Variants in ILDR2 observed in about 807,000 individuals in gnomAD.
ILDR2 encodes the protein immunoglobulin like domain containing receptor 2.
Under a neutral mutation model 66.8 loss-of-function variants are expected in ILDR2, and 25 were observed. The ratio of observed to expected loss-of-function variants is 0.37; its 90% CI spans 0.27 to 0.52. ILDR2 has a LOEUF of 0.52. Among genes scored for constraint, ILDR2 ranks in the 20% least tolerant of loss-of-function variants. ILDR2 has a pLI of 0.88. For missense variants in ILDR2, 827 were observed against 876.8 expected (o/e 0.94, Z 0.72); for synonymous variants, 367 against 357.2 (o/e 1.03, Z -0.31).
chr1:166,940,141 A>C (rs1479780606), intron 3 of ILDR2, among the ~76,000 whole-genome samples: 2 of 152,214 alleles, frequency 1.3e-5, no homozygotes, highest in Admixed American at 1.3e-4. Flanking sequence ...CTTCTGAAAT[A>C]CACTGTACAT....
downstream of ILDR2, among the ~76,000 whole-genome samples, chr1:166,906,371 G>T (rs146554842): frequency 4.3e-4 from 66 of 152,306 alleles, no homozygotes; most frequent in African/African-American, 1.4e-3. Context: ...AGCTCAGCCT[G>T]GTGGGAGTGG....
At chr1:166,931,287 T>C (rs991703323) in intron 6 of ILDR2, among the ~76,000 whole-genome samples, 1 of 152,246 alleles carries the variant, frequency 6.6e-6, no homozygotes, top group African/African-American at 2.4e-5. Context: ...CCGAGGCAGA[T>C]ACTCATGGAT....
chr1:166,905,044 G>T (rs946378732), downstream of ILDR2, among the ~76,000 whole-genome samples: 1 of 152,120 alleles, frequency 6.6e-6, no homozygotes, highest in African/African-American at 2.4e-5. Flanking sequence ...TTAACCTATG[G>T]CCCTATATTG....
intron 6 of ILDR2, among the ~76,000 whole-genome samples, chr1:166,934,630 G>A (rs973666488): frequency 2.6e-5 from 4 of 152,156 alleles, no homozygotes; most frequent in Admixed American, 6.5e-5. Flanking sequence ...GTCTGGCTCC[G>A]TCGTATCCTT....
chr1:166,954,657 C>T (rs1007720693), intron 3 of ILDR2, among the ~76,000 whole-genome samples: 6 of 152,136 alleles, frequency 3.9e-5, no homozygotes, highest in Non-Finnish European at 7.3e-5. Context: ...CTTTATGATT[C>T]CTTTAGAGTA....
intron 6 of ILDR2, among the ~76,000 whole-genome samples, chr1:166,935,074 G>A (rs943919486): frequency 6.6e-6 from 1 of 152,178 alleles, no homozygotes; most frequent in Non-Finnish European, 1.5e-5. Context: ...TACAGTTCTA[G>A]TAATTGAGGA....
intron 2 of ILDR2, among the ~76,000 whole-genome samples, chr1:166,901,749 C>T (rs1659269590): frequency 6.6e-6 from 1 of 152,214 alleles, no homozygotes; most frequent in South Asian, 2.1e-4. Context: ...CCTAGTTCCC[C>T]CACAAGGCTG....
downstream of ILDR2, among the ~76,000 whole-genome samples, chr1:166,906,440 C>T (rs1309921743): frequency 6.6e-6 from 1 of 151,996 alleles, no homozygotes; most frequent in East Asian, 1.9e-4. Context: ...AGAAAGTGCT[C>T]AGAGAGGGGA....
downstream of ILDR2, among the ~76,000 whole-genome samples, chr1:166,906,569 A>T (rs1361468557): frequency 6.6e-6 from 1 of 152,238 alleles, no homozygotes; most frequent in Non-Finnish European, 1.5e-5. Flanking sequence ...AGAGGTAGAG[A>T]CTGGCAATGA....
In ILDR2 at chr1:166,919,020, A is replaced by G. The variant is rs1434807699; in HGVS notation, c.*335T>C. The G allele has an allele frequency of 9.2e-6, 4 of 434,698 alleles. No individual in the cohort carries two copies. In the East Asian group the frequency reaches 1.0e-4, roughly 11 times the overall value. 26.9% of individuals were successfully genotyped at this position (434,698 alleles called of 1,614,324 possible). A position where few individuals can be genotyped will look rare whatever the true frequency, so the allele number is the denominator to read the frequency against. On this transcript the variant is annotated 3_prime_UTR_variant, in exon 10 of 10. Coordinates refer to ENST00000271417, the MANE Select transcript of ILDR2 (RefSeq NM_199351.3). ...GGCAATTTCTGGAGTTTAGCAGTCCAGAGCTAACTCTCTTTCAGAATTGCA... is the reference window on the plus strand; with the variant it reads ...GGCAATTTCTGGAGTTTAGCAGTCCGGAGCTAACTCTCTTTCAGAATTGCA...
rs543718994 is a variant in ILDR2, at chr1:166,958,008, G to T, written c.140C>A (p.Ser47Tyr). Residue 47 changes from serine to tyrosine, a missense_variant, in exon 2 of 10, where the codon TCC becomes TAC. Ser to Tyr is a moderately radical substitution (Grantham distance 144). Coordinates refer to ENST00000271417, the MANE Select transcript of ILDR2 (RefSeq NM_199351.3). ...PTVLRCHFST[S>Y]SHQPAVVQWK... is the part of the protein sequence containing the mutation. Reference sequence around the variant, plus strand: ...CTGCACAACTGCAGGCTGATGGGAGGATGTTGAGAAGTGGCAGCGAAGCAC... The same window carrying T: ...CTGCACAACTGCAGGCTGATGGGAGTATGTTGAGAAGTGGCAGCGAAGCAC... The T allele has an allele frequency of 6.2e-7, 1 of 1,614,076 alleles. No individual in the cohort carries two copies. Among genetic ancestry groups the T allele is most frequent in the African/African-American group, 1.3e-5 (1 of 74,924 alleles).
chr1:166,967,656 C>A (rs1663042097), intron 1 of ILDR2, among the ~76,000 whole-genome samples: 1 of 152,140 alleles, frequency 6.6e-6, no homozygotes, highest in Non-Finnish European at 1.5e-5. Context: ...TCTTGGGAGG[C>A]TGAGGTACAA....
At chr1:166,959,612 T>G (rs1662492522) in intron 1 of ILDR2, among the ~76,000 whole-genome samples, 1 of 152,080 alleles carries the variant, frequency 6.6e-6, no homozygotes, top group African/African-American at 2.4e-5. Context: ...GAAGTTTAAG[T>G]GGTAAAAAGA....
intron 1 of ILDR2, among the ~76,000 whole-genome samples, chr1:166,972,360 C>T (rs1171611312): frequency 2.0e-5 from 3 of 152,212 alleles, no homozygotes; most frequent in East Asian, 3.8e-4. Context: ...TTTCTCACAG[C>T]CTCTGCTGCC....
intron 7 of ILDR2, among the ~76,000 whole-genome samples, chr1:166,925,614 A>C (rs1557933805): frequency 6.6e-6 from 1 of 152,200 alleles, no homozygotes. Flanking sequence ...TTCTGGAAAG[A>C]CCACAGGACT....
rs1176476405 is a variant in ILDR2 at position 166,921,233 on chromosome 1, C to T, written c.1358G>A (p.Gly453Asp). 1 of 1,594,578 alleles carries T rather than the reference C, an allele frequency of 6.3e-7. No homozygotes were observed. Among genetic ancestry groups the T allele is most frequent in the Non-Finnish European group, 8.5e-7 (1 of 1,175,840 alleles). The change falls in exon 9 of 10, where the codon GGC (glycine) becomes GAC (aspartate). Residue 453 changes from glycine (G) to aspartate (D), a missense_variant. This residue lies in a region of ILDR2 where 390 missense variants were observed against 353.6 expected (regional missense o/e 1.10). Transcript: ENST00000271417. The surrounding 1 kb of genome is among the most constrained non-coding windows in gnomAD (Gnocchi z 5.3). ...RADGNSHEARGGSRFERSESR... is the reference protein window; with the variant it reads ...RADGNSHEARDGSRFERSESR... ...CTCCGAGCGCTCGAAGCGGCTCCCG[C>T]CCCGCGCCTCGTGACTGTTGCCGTC...
chr1:166,934,391 A>C (rs1660819744), intron 6 of ILDR2, among the ~76,000 whole-genome samples: 1 of 152,106 alleles, frequency 6.6e-6, no homozygotes, highest in Non-Finnish European at 1.5e-5. Context: ...TTTCTTTCAC[A>C]GTGTCTCTCA....
At chr1:166,965,577 T>G (rs926276471) in intron 1 of ILDR2, among the ~76,000 whole-genome samples, 2 of 147,860 alleles carry the variant, frequency 1.4e-5, no homozygotes, top group Non-Finnish European at 3.0e-5. Flanking sequence ...TTTGTTTTTT[T>G]TTTTGTTTTT....
intron 9 of ILDR2, among the ~76,000 whole-genome samples, chr1:166,920,490 T>C (rs1235030495): frequency 6.6e-6 from 1 of 152,210 alleles, no homozygotes; most frequent in Non-Finnish European, 1.5e-5. Flanking sequence ...TCCCAGCCCT[T>C]GCTTCCTTCC....
Sources: allele counts gnomAD v4.1 joint callset (sites outside exome capture counted in the v4.1 genomes callset), GRCh38; gene constraint gnomAD v4.1.1; regional missense constraint gnomAD v4.1.1; non-coding constraint Gnocchi (gnomAD v3.1); transcripts MANE v1.5; gene names NCBI Gene and HGNC (gene_info 2026-07-23, HGNC 2026-07-21).